Variants in NALF1 observed in about 807,000 individuals in gnomAD.
The protein encoded by NALF1 is NALCN channel auxiliary factor 1.
In NALF1, 3 loss-of-function variants were observed where a neutral mutation model predicts 48.4. That is an observed-to-expected ratio of 0.06 (90% CI 0.03 to 0.16). The LOEUF (loss-of-function observed/expected upper bound fraction) is 0.16. Ranked by LOEUF, NALF1 falls within the 10% of genes least tolerant of loss-of-function variation. The pLI is 1.00. For synonymous variants in NALF1, 262 were observed against 245.7 expected, an observed-to-expected ratio of 1.07 and a Z score of -0.62; for missense variants, 526 against 571.5, an observed-to-expected ratio of 0.92 and a Z score of 0.81.
At chr13:107,588,825 A>C (rs1257411071) in intron 1 of NALF1, among the ~76,000 whole-genome samples, 2 of 152,104 alleles carry the variant, frequency 1.3e-5, no homozygotes, top group Non-Finnish European at 2.9e-5. Context: ...GGGAAAAAAG[A>C]AAGCCGAATC....
intron 1 of NALF1, among the ~76,000 whole-genome samples, chr13:107,635,414 T>A (rs1879949417): frequency 1.3e-5 from 2 of 152,068 alleles, no homozygotes; most frequent in South Asian, 4.1e-4. Flanking sequence ...AAACTCACTA[T>A]CATGAGAACA....
intron 1 of NALF1, among the ~76,000 whole-genome samples, chr13:107,606,505 A>T (rs1372464229): frequency 6.6e-6 from 1 of 152,028 alleles, no homozygotes; most frequent in East Asian, 1.9e-4. Context: ...AGCTGGGATT[A>T]CAGGTGCCAG....
chr13:107,732,115 G>A (rs1366812337), intron 1 of NALF1, among the ~76,000 whole-genome samples: 1 of 151,932 alleles, frequency 6.6e-6, no homozygotes, highest in African/African-American at 2.4e-5. Context: ...CAGCCCCCTG[G>A]GCAGCAGCTT....
At chr13:107,237,616 A>T (rs1880379499) in intron 1 of NALF1, among the ~76,000 whole-genome samples, 1 of 152,200 alleles carries the variant, frequency 6.6e-6, no homozygotes, top group Non-Finnish European at 1.5e-5. Context: ...TAGATGTTAC[A>T]CTATATTGTT....
chr13:107,643,377 T>C (rs942664025), intron 1 of NALF1, among the ~76,000 whole-genome samples: 1 of 152,150 alleles, frequency 6.6e-6, no homozygotes, highest in South Asian at 2.1e-4. Context: ...CTAGCAACCA[T>C]AGTTTAATAA....
At chr13:107,609,876 A>G (rs1288636592) in intron 1 of NALF1, among the ~76,000 whole-genome samples, 3 of 152,224 alleles carry the variant, frequency 2.0e-5, no homozygotes, top group African/African-American at 7.2e-5. Flanking sequence ...TAACAGGCAT[A>G]TACATATGTG....
At chr13:107,374,062 G>C (rs189052627) in intron 1 of NALF1, among the ~76,000 whole-genome samples, 2 of 152,258 alleles carry the variant, frequency 1.3e-5, no homozygotes, top group East Asian at 3.9e-4. Context: ...TCACTTCTCT[G>C]AATTTTCCAA....
intron 1 of NALF1, among the ~76,000 whole-genome samples, chr13:107,396,413 T>A (rs564639489): frequency 6.6e-6 from 1 of 152,302 alleles, no homozygotes; most frequent in East Asian, 1.9e-4. Flanking sequence ...GAAGTGCCCC[T>A]GTGTTCGTGC....
chr13:107,204,905 G>T (rs1879602817), intron 2 of NALF1, among the ~76,000 whole-genome samples: 1 of 150,826 alleles, frequency 6.6e-6, no homozygotes, highest in African/African-American at 2.4e-5. Flanking sequence ...CATACGCAGG[G>T]GAAAATAAAT....
chr13:107,697,084 T>C (rs902979693), intron 1 of NALF1, among the ~76,000 whole-genome samples: 1 of 152,158 alleles, frequency 6.6e-6, no homozygotes, highest in Non-Finnish European at 1.5e-5. Flanking sequence ...TATGTTAAGA[T>C]AATTTTGCGG....
chr13:107,189,664 G>A (rs2769901), intron 2 of NALF1, among the ~76,000 whole-genome samples: 118,771 of 152,164 alleles, frequency 0.78, 46,968 homozygotes, highest in African/African-American at 0.91. Context: ...CAGGGACTCC[G>A]AGTGGAGACT....
chr13:107,254,197 C>T (rs1880765739), intron 1 of NALF1, among the ~76,000 whole-genome samples: 1 of 152,084 alleles, frequency 6.6e-6, no homozygotes, highest in African/African-American at 2.4e-5. Flanking sequence ...CACAGTTGTC[C>T]TGTGAGCAAG....
chr13:107,575,998 A>ATGTGTG (rs56118452), intron 1 of NALF1, among the ~76,000 whole-genome samples: 143 of 151,018 alleles, frequency 9.5e-4, no homozygotes, highest in Middle Eastern at 3.4e-3. Flanking sequence ...GTGCATGTAT[A>ATGTGTG]TGTGTGTGTG....
At chr13:107,733,421 C>T (rs1458765973) in intron 1 of NALF1, among the ~76,000 whole-genome samples, 6 of 152,132 alleles carry the variant, frequency 3.9e-5, no homozygotes, top group African/African-American at 1.4e-4. Flanking sequence ...TGGCTTAAAT[C>T]TTAGTTATTT....
intron 1 of NALF1, among the ~76,000 whole-genome samples, chr13:107,340,489 T>TCTTTCTTTC (rs1882655843): frequency 1.8e-5 from 1 of 57,126 alleles, no homozygotes; most frequent in Admixed American, 2.0e-4. Context: ...TTCTTTCTTT[T>TCTTTCTTTC]TGTCTTTCTT....
chr13:107,585,491 T>C (rs1043708695), intron 1 of NALF1, among the ~76,000 whole-genome samples: 1 of 152,202 alleles, frequency 6.6e-6, no homozygotes, highest in African/African-American at 2.4e-5. Context: ...GAAGGTTTCA[T>C]AGAGGCAAAG....
At position 107,262,568 on chromosome 13, in the gene NALF1, A is replaced by T. The variant is rs1880949548; in HGVS notation, c.916-51813T>A. ...TTCACTTCCAAAATGTATGTGTTAT[A>T]GGCACAAAAACAATCATTTCCCTCA... On this transcript the variant is annotated intron_variant, in intron 1 of 2. Transcript: ENST00000375915. 3.9e-5 allele frequency among the ~76,000 whole-genome samples: 6 copies of T among 152,202 alleles called. No homozygotes were observed. The South Asian group carries it at 1.2e-3, about 32-fold the overall frequency.
chr13:107,441,724 T>G (rs1998526), intron 1 of NALF1, among the ~76,000 whole-genome samples: 100,367 of 152,038 alleles, frequency 0.66, 33,849 homozygotes, highest in Middle Eastern at 0.78. Flanking sequence ...GGCAAAGGAA[T>G]GGGGTGATTT....
chr13:107,508,738 C>T (rs928356225), intron 1 of NALF1, among the ~76,000 whole-genome samples: 6 of 151,996 alleles, frequency 3.9e-5, no homozygotes, highest in Non-Finnish European at 7.4e-5. Context: ...CTTGCAACTA[C>T]GCACACGCCC....
Sources: gnomAD v4.1 joint callset for allele counts (sites outside exome capture counted in the v4.1 genomes callset) on GRCh38, gnomAD v4.1.1 for gene constraint, MANE v1.5 for transcripts, NCBI Gene and HGNC (gene_info 2026-07-23, HGNC 2026-07-21) for gene names.